Variants in AKAP13 observed in about 807,000 individuals in gnomAD.
The protein encoded by AKAP13 is A-kinase anchoring protein 13.
In AKAP13, 80 loss-of-function variants were observed where a neutral mutation model predicts 264.5. The ratio of observed to expected loss-of-function variants is 0.30; its 90% CI spans 0.25 to 0.36. AKAP13 has a LOEUF of 0.36. AKAP13 is among the 10% of genes least tolerant of loss of function. AKAP13 has a pLI of 1.00. For synonymous variants in AKAP13, 1,380 were observed against 1,250.2 expected (o/e 1.10, Z -2.19); for missense variants, 3,712 against 3,435.2 (o/e 1.08, Z -2.01).
chr15:85,596,352 T>C (rs2079825880), intron 8 of AKAP13, among the ~76,000 whole-genome samples: 1 of 152,154 alleles, frequency 6.6e-6, no homozygotes, highest in Non-Finnish European at 1.5e-5. Context: ...ACAACTATAA[T>C]CCTGGCACTT....
rs1257264138 is a variant in AKAP13, at chr15:85,498,197, G to GAGATAT, written c.33+12446_33+12451dup. ...TGTGGTAGTAAGGATTAAATGAAGT[G>GAGATAT]AGATATATATATATATATATATATA... On this transcript the variant is annotated intron_variant, in intron 2 of 36. Coordinates refer to ENST00000394518, the MANE Select transcript of AKAP13 (RefSeq NM_007200.5). Among the ~76,000 whole-genome samples, 200 of 30,082 alleles carry GAGATAT rather than the reference G, an allele frequency of 6.6e-3. 2 individuals carry two copies. The highest frequency in any genetic ancestry group is 0.011 in the Non-Finnish European group (160 of 14,792). The allele number at this position is 30,082 out of a possible 152,430, so 19.7% of individuals were successfully genotyped here.
At chr15:85,445,033 TC>T (rs1181805016) in intron 1 of AKAP13, among the ~76,000 whole-genome samples, 1 of 152,168 alleles carries the variant, frequency 6.6e-6, no homozygotes, top group Non-Finnish European at 1.5e-5. Flanking sequence ...AATGAACTGT[TC>T]CCTTCTTTTC....
intron 1 of AKAP13, among the ~76,000 whole-genome samples, chr15:85,472,123 A>G (rs1007162281): frequency 6.6e-6 from 1 of 152,074 alleles, no homozygotes; most frequent in African/African-American, 2.4e-5. Flanking sequence ...TTGAAATTTC[A>G]ACTTGTAATT....
rs750029449 is a variant in AKAP13, at chr15:85,745,146, G to A, written c.*469G>A. On this transcript the variant is annotated 3_prime_UTR_variant, in exon 37 of 37. Transcript: ENST00000394518. ...TACACACGGGGAATGCCAGAAGAAG[G>A]CCCAGTCTGCACCAGGCGTCTGGTC... 202 of 155,108 alleles carry A rather than the reference G, an allele frequency of 1.3e-3. 1 individual carries two copies. The highest frequency in any genetic ancestry group is 2.9e-3 in the Admixed American group (46 of 16,040). 9.6% of individuals were successfully genotyped at this position (155,108 alleles called of 1,614,324 possible).
intron 8 of AKAP13, among the ~76,000 whole-genome samples, chr15:85,601,608 T>G (rs868236828): frequency 3.1e-4 from 41 of 131,988 alleles, no homozygotes; most frequent in African/African-American, 9.7e-4. Flanking sequence ...CCTGAATTCT[T>G]TGTGTGTGTG....
At chr15:85,463,926 C>CATA (rs2151006273) in intron 1 of AKAP13, among the ~76,000 whole-genome samples, 1 of 152,152 alleles carries the variant, frequency 6.6e-6, no homozygotes, top group South Asian at 2.1e-4. Flanking sequence ...TGATTTTAAC[C>CATA]ATAACCTTTT....
At chr15:85,399,535 A>AAAAAAAAAAAAAAAAAT (rs1567038735) in intron 1 of AKAP13, among the ~76,000 whole-genome samples, 1 of 105,596 alleles carries the variant, frequency 9.5e-6, no homozygotes, top group African/African-American at 4.1e-5. Context: ...AAAAAATAAA[A>AAAAAAAAAAAAAAAAAT]AAATAAATAA....
chr15:85,683,103 T>A (rs1046056426), intron 15 of AKAP13, among the ~76,000 whole-genome samples: 7 of 152,240 alleles, frequency 4.6e-5, no homozygotes, highest in African/African-American at 1.7e-4. Flanking sequence ...TGCCTTCTTT[T>A]TCACAGAGGC....
chr15:85,459,742 G>C (rs375313189), intron 1 of AKAP13, among the ~76,000 whole-genome samples: 2 of 151,842 alleles, frequency 1.3e-5, no homozygotes, highest in Non-Finnish European at 2.9e-5. Context: ...CTTGTGATCC[G>C]CCTGCCTCAG....
At chr15:85,383,415 GGTACTTAA>G (rs1179817979) in intron 1 of AKAP13, among the ~76,000 whole-genome samples, 2 of 152,116 alleles carry the variant, frequency 1.3e-5, no homozygotes, top group African/African-American at 4.8e-5. Flanking sequence ...AACTATGTGA[GGTACTTAA>G]CTACAGTATC....
At chr15:85,397,430 C>G (rs2071172189) in intron 1 of AKAP13, among the ~76,000 whole-genome samples, 1 of 152,090 alleles carries the variant, frequency 6.6e-6, no homozygotes, top group Non-Finnish European at 1.5e-5. Flanking sequence ...TTCCCGAGCT[C>G]AAATAAAGGT....
rs771268019 is a variant in AKAP13 at position 85,740,324 on chromosome 15, C to T, written c.7608+52C>T. ...CGTTTATTTGTCTAGAGAACAGCAGCTTGGGGCTGTTGTTGACTTGGATCT... is the reference window on the plus strand; with the variant it reads ...CGTTTATTTGTCTAGAGAACAGCAGTTTGGGGCTGTTGTTGACTTGGATCT... On this transcript the variant is annotated intron_variant, in intron 34 of 36. Transcript: ENST00000394518. The T allele has an allele frequency of 4.4e-6, 7 of 1,599,890 alleles. No homozygotes were observed. In the Admixed American group the frequency reaches 1.0e-4, roughly 23 times the overall value.
intron 8 of AKAP13, among the ~76,000 whole-genome samples, chr15:85,607,075 T>G (rs967910135): frequency 2.0e-5 from 3 of 151,860 alleles, no homozygotes; most frequent in African/African-American, 7.2e-5. Flanking sequence ...TTCTTTTTTT[T>G]TTTTTGAGAC....
chr15:85,504,797 A>C (rs1413033078), intron 2 of AKAP13, among the ~76,000 whole-genome samples: 1 of 152,048 alleles, frequency 6.6e-6, no homozygotes, highest in Non-Finnish European at 1.5e-5. Context: ...GACCTAATTA[A>C]TAATTCTACC....
At chr15:85,613,467 G>A (rs1035262734) in intron 8 of AKAP13, among the ~76,000 whole-genome samples, 1 of 151,880 alleles carries the variant, frequency 6.6e-6, no homozygotes, top group Non-Finnish European at 1.5e-5. Context: ...GGATCACGAG[G>A]TCAGGAGATC....
intron 33 of AKAP13, among the ~76,000 whole-genome samples, chr15:85,739,281 A>G (rs1037182902): frequency 6.6e-6 from 1 of 152,128 alleles, no homozygotes; most frequent in African/African-American, 2.4e-5. Context: ...TCTTTTACCA[A>G]CATTGAGTAT....
At chr15:85,582,940 A>AC in intron 7 of AKAP13, 1 of 985,464 alleles carries the variant, frequency 1.0e-6, no homozygotes, top group Non-Finnish European at 1.2e-6. Context: ...TCTGTGGGTA[A>AC]CCATGTTCCG....
At chr15:85,742,938 AC>A (rs2089151004) in intron 35 of AKAP13, among the ~76,000 whole-genome samples, 1 of 152,028 alleles carries the variant, frequency 6.6e-6, no homozygotes, top group African/African-American at 2.4e-5. Flanking sequence ...GAGGGATTCC[AC>A]CCCCATCCCA....
intron 1 of AKAP13, among the ~76,000 whole-genome samples, chr15:85,461,317 T>C (rs543204811): frequency 1.3e-5 from 2 of 152,212 alleles, no homozygotes; most frequent in South Asian, 2.1e-4. Context: ...GGTTTTGCCA[T>C]GTTGGCCAGG....
Sources: gnomAD v4.1 joint callset for allele counts (sites outside exome capture counted in the v4.1 genomes callset) on GRCh38, gnomAD v4.1.1 for gene constraint, MANE v1.5 for transcripts, NCBI Gene and HGNC (gene_info 2026-07-23, HGNC 2026-07-21) for gene names.